Variants in NOX3 observed in about 807,000 individuals in gnomAD.
The protein encoded by NOX3 is NADPH oxidase catalytic subunit-like 3.
In NOX3, 74 loss-of-function variants were observed where a neutral mutation model predicts 76.7. The ratio of observed to expected loss-of-function variants is 0.96; its 90% CI spans 0.80 to 1.17. The LOEUF is 1.17. Ranked by LOEUF, NOX3 falls within the 50% of genes most tolerant of loss-of-function variation. The pLI, the probability that NOX3 is intolerant of heterozygous loss-of-function variation, is 0.00. For missense variants in NOX3, 695 were observed against 703.3 expected (o/e 0.99, Z 0.13); for synonymous variants, 263 against 261.1 (o/e 1.01, Z -0.07).
rs551324905 is a variant in NOX3, at chr6:155,399,213, T to A, written c.1581-2251A>T. ...TGTTATGGGTGGTGATATTTTTCCA[T>A]TAGTGTAGATGTCACCAAAGAGATT... On this transcript the variant is annotated intron_variant, in intron 12 of 13. Coordinates refer to ENST00000159060, the MANE Select transcript of NOX3 (RefSeq NM_015718.3). 2.0e-3 allele frequency among the ~76,000 whole-genome samples: 310 copies of A among 152,296 alleles called. 3 individuals are homozygous for A. The highest frequency in any genetic ancestry group is 0.016 in the South Asian group (77 of 4,830).
At chr6:155,455,713 A>G (rs762249669) in intron 1 of NOX3, 40 bp downstream of exon 1, 28 of 1,501,308 alleles carry the variant, frequency 1.9e-5, no homozygotes, top group Non-Finnish European at 1.9e-5. Flanking sequence ...AGACTATTCA[A>G]TCTATATATT....
chr6:155,427,732 T>C (rs1274848075), intron 9 of NOX3, among the ~76,000 whole-genome samples: 3 of 152,220 alleles, frequency 2.0e-5, no homozygotes, highest in Non-Finnish European at 2.9e-5. Context: ...TTGGTGTCCC[T>C]GTTCTTCCAG....
At chr6:155,440,583 A>G (rs1419319874) in intron 5 of NOX3, among the ~76,000 whole-genome samples, 1 of 151,802 alleles carries the variant, frequency 6.6e-6, no homozygotes, top group East Asian at 1.9e-4. Flanking sequence ...TGAGGCTGCA[A>G]TGAGCCGTGA....
At chr6:155,419,249 C>T (rs1398309274) in intron 10 of NOX3, among the ~76,000 whole-genome samples, 1 of 152,168 alleles carries the variant, frequency 6.6e-6, no homozygotes, top group African/African-American at 2.4e-5. Flanking sequence ...TGTTCTCATG[C>T]CTGCAGACGC....
At chr6:155,437,677 C>T (rs1219729733) in intron 6 of NOX3, among the ~76,000 whole-genome samples, 4 of 152,188 alleles carry the variant, frequency 2.6e-5, no homozygotes, top group Non-Finnish European at 5.9e-5. Context: ...ATTCCAGATA[C>T]TTTAACACTT....
At position 155,455,077 on chromosome 6, in the gene NOX3, T is replaced by C. The variant is rs1182604001; in HGVS notation, c.101A>G (p.Tyr34Cys). ...GTAATGGAAAGACTCCTCCTCTTCATACCAGTAGAACGTGTCAATAAACAG... is the reference window on the plus strand; with the variant it reads ...GTAATGGAAAGACTCCTCCTCTTCACACCAGTAGAACGTGTCAATAAACAG... ...FYLFIDTFYW[Y>C]EEEESFHYTR... The change falls in exon 2 of 14, where the codon TAT (tyrosine) becomes TGT (cysteine). Residue 34 changes from tyrosine to cysteine, a missense_variant. Transcript: ENST00000159060. 6.2e-7 allele frequency: 1 copy of C among 1,613,476 alleles called. No individual in the cohort carries two copies. Among genetic ancestry groups the C allele is most frequent in the Non-Finnish European group, 8.5e-7 (1 of 1,179,602 alleles).
At chr6:155,405,665 T>C (rs1181857528) in intron 12 of NOX3, among the ~76,000 whole-genome samples, 1 of 152,182 alleles carries the variant, frequency 6.6e-6, no homozygotes, top group Non-Finnish European at 1.5e-5. Context: ...TAAGTGGGGA[T>C]TCCACTCTAT....
chr6:155,407,023 G>T, intron 12 of NOX3, 107 bp downstream of exon 12: 1 of 1,216,612 alleles, frequency 8.2e-7, no homozygotes, highest in Non-Finnish European at 1.2e-6. Flanking sequence ...TAGATGTTTT[G>T]TCTCTAATGG....
intron 10 of NOX3, among the ~76,000 whole-genome samples, chr6:155,413,780 G>A (rs1297084844): frequency 6.6e-6 from 1 of 152,082 alleles, no homozygotes; most frequent in African/African-American, 2.4e-5. Context: ...ATTGGGCATA[G>A]AGCAAATATC....
At chr6:155,426,984 C>CGTGTGCGTGTGTGTGT (rs1554263747) in intron 9 of NOX3, among the ~76,000 whole-genome samples, 9 of 41,918 alleles carry the variant, frequency 2.1e-4, no homozygotes, top group African/African-American at 4.3e-4. Flanking sequence ...GACACTGTGG[C>CGTGTGCGTGTGTGTGT]GTGTGTGTGT....
At chr6:155,437,513 C>CATCTT (rs1455207853) in intron 6 of NOX3, among the ~76,000 whole-genome samples, 1 of 152,178 alleles carries the variant, frequency 6.6e-6, no homozygotes, top group Non-Finnish European at 1.5e-5. Flanking sequence ...CTAGAACTGA[C>CATCTT]ATCTTGGCTT....
chr6:155,426,173 T>C (rs35344292), intron 9 of NOX3, among the ~76,000 whole-genome samples: 36,120 of 152,140 alleles, frequency 0.24, 4,463 homozygotes, highest in Non-Finnish European at 0.27. Flanking sequence ...CTAATACATA[T>C]GCCTACACAC....
intron 5 of NOX3, among the ~76,000 whole-genome samples, chr6:155,442,075 T>C (rs9384329): frequency 0.14 from 20,985 of 152,088 alleles, 1,644 homozygotes; most frequent in East Asian, 0.33. Context: ...CCATCCTGGC[T>C]AACACAGTGA....
intron 9 of NOX3, among the ~76,000 whole-genome samples, chr6:155,427,169 G>A (rs1379671418): frequency 6.6e-6 from 1 of 152,044 alleles, no homozygotes; most frequent in Non-Finnish European, 1.5e-5. Context: ...ATAGTCATGT[G>A]TTCTCATCTG....
At chr6:155,422,387 C>G (rs955636218) in intron 10 of NOX3, among the ~76,000 whole-genome samples, 2 of 152,132 alleles carry the variant, frequency 1.3e-5, no homozygotes, top group East Asian at 3.9e-4. Context: ...CTTAATATTG[C>G]GAACTGCCAC....
At chr6:155,431,021 A>T in intron 7 of NOX3, 86 bp from the exon 8 acceptor site, 2 of 802,506 alleles carry the variant, frequency 2.5e-6, no homozygotes, top group African/African-American at 1.7e-5. Flanking sequence ...AATATACAAC[A>T]TGATGGGGAT....
At chr6:155,396,076 A>G (rs1179757525) in intron 13 of NOX3, among the ~76,000 whole-genome samples, 1 of 152,184 alleles carries the variant, frequency 6.6e-6, no homozygotes, top group Non-Finnish European at 1.5e-5. Context: ...ATGTGAAGAG[A>G]TGGAATTGAA....
chr6:155,425,984 T>C (rs980226721), intron 9 of NOX3, among the ~76,000 whole-genome samples: 4 of 152,232 alleles, frequency 2.6e-5, no homozygotes, highest in Non-Finnish European at 5.9e-5. Context: ...TTCCAGGGGC[T>C]GGATTAAATT....
chr6:155,402,133 C>T (rs925911363), intron 12 of NOX3, among the ~76,000 whole-genome samples: 5 of 152,080 alleles, frequency 3.3e-5, no homozygotes, highest in Non-Finnish European at 5.9e-5. Context: ...AGCTTGTGAA[C>T]GTATTGACAA....
Sources: gnomAD v4.1 joint callset for allele counts (sites outside exome capture counted in the v4.1 genomes callset) on GRCh38, gnomAD v4.1.1 for gene constraint, MANE v1.5 for transcripts, NCBI Gene and HGNC (gene_info 2026-07-23, HGNC 2026-07-21) for gene names.